Variants in RPAP2 observed in about 807,000 individuals in gnomAD.
The protein encoded by RPAP2 is putative RNA polymerase II subunit B1 CTD phosphatase RPAP2.
RPAP2 carries 52 observed loss-of-function variants against 73.1 expected under a neutral mutation model. The observed-to-expected ratio is 0.71, with a 90% CI of 0.57 to 0.90. The LOEUF (loss-of-function observed/expected upper bound fraction) is 0.90. Among genes scored for constraint, RPAP2 ranks in the 40% least tolerant of loss-of-function variants. The pLI, the probability that RPAP2 is intolerant of heterozygous loss-of-function variation, is 0.00. For synonymous variants in RPAP2, 225 were observed against 242.1 expected (o/e 0.93, Z 0.65); for missense variants, 598 against 701.8 (o/e 0.85, Z 1.67).
At chr1:92,322,596 C>T (rs933036192) in intron 7 of RPAP2, among the ~76,000 whole-genome samples, 3 of 151,388 alleles carry the variant, frequency 2.0e-5, no homozygotes, top group African/African-American at 2.4e-5. Context: ...AAAGCTCAGC[C>T]GGGCACGGTG....
At chr1:92,332,603 CTGTAA>C (rs998827597) in intron 8 of RPAP2, among the ~76,000 whole-genome samples, 1 of 152,070 alleles carries the variant, frequency 6.6e-6, no homozygotes, top group African/African-American at 2.4e-5. Flanking sequence ...TTCCATGTCA[CTGTAA>C]TGTAATCAGA....
chr1:92,382,101 A>G (rs1025476020), intron 12 of RPAP2, among the ~76,000 whole-genome samples: 2 of 151,928 alleles, frequency 1.3e-5, no homozygotes, highest in African/African-American at 4.8e-5. Flanking sequence ...ACATGAACTC[A>G]TCATTTTTTA....
At chr1:92,360,557 G>A (rs1184474370) in intron 11 of RPAP2, among the ~76,000 whole-genome samples, 2 of 152,164 alleles carry the variant, frequency 1.3e-5, no homozygotes, top group Non-Finnish European at 2.9e-5. Context: ...GACAGGCAAG[G>A]CTGGAAGAAC....
chr1:92,305,204 G>C (rs1336157953), intron 5 of RPAP2, among the ~76,000 whole-genome samples: 1 of 151,770 alleles, frequency 6.6e-6, no homozygotes, highest in Non-Finnish European at 1.5e-5. Flanking sequence ...AGGCCGAGGC[G>C]GGCAGATCAC....
intron 12 of RPAP2, among the ~76,000 whole-genome samples, chr1:92,386,395 G>A (rs1444768856): frequency 1.3e-5 from 2 of 152,142 alleles, no homozygotes; most frequent in African/African-American, 4.8e-5. Flanking sequence ...CCTGACTGAG[G>A]ACAGCCCTGA....
chr1:92,358,659 C>A (rs1049259435), intron 11 of RPAP2, among the ~76,000 whole-genome samples: 4 of 152,126 alleles, frequency 2.6e-5, no homozygotes, highest in African/African-American at 9.7e-5. Context: ...ACAGTCGCAG[C>A]TCACTAAAGC....
At chr1:92,342,763 G>A (rs1024826334) in intron 10 of RPAP2, among the ~76,000 whole-genome samples, 1 of 152,154 alleles carries the variant, frequency 6.6e-6, no homozygotes, top group African/African-American at 2.4e-5. Flanking sequence ...CATGGGATGT[G>A]AGAGAGTCAA....
rs751369687 is a variant in RPAP2 at position 92,336,381 on chromosome 1, T to C, written c.1573T>C (p.Leu525=). The C allele has an allele frequency of 6.0e-5, 97 of 1,610,894 alleles. No homozygotes were observed. The highest frequency in any genetic ancestry group is 7.4e-5 in the Non-Finnish European group (87 of 1,177,992). Reference sequence around the variant, plus strand: ...GCTTCTGGTTCCTCTTCAGATTACATTGGGAGATATTTACACACAACTTAA... The same window carrying C: ...GCTTCTGGTTCCTCTTCAGATTACACTGGGAGATATTTACACACAACTTAA... ...PGLLVPLQIT[L]GDIYTQLKNL... is the part of the protein sequence containing the mutation. The change falls in exon 10 of 13, where the codon TTG becomes CTG. Residue 525 remains leucine, a synonymous_variant. Coordinates refer to ENST00000610020, the MANE Select transcript of RPAP2 (RefSeq NM_024813.3).
At chr1:92,303,382 A>G (rs1019936080) in intron 3 of RPAP2, among the ~76,000 whole-genome samples, 4 of 152,200 alleles carry the variant, frequency 2.6e-5, no homozygotes, top group African/African-American at 9.6e-5. Flanking sequence ...AAAGATCTCA[A>G]AGTTATGAAC....
chr1:92,326,680 T>C (rs1652650126), intron 8 of RPAP2, among the ~76,000 whole-genome samples: 1 of 152,170 alleles, frequency 6.6e-6, no homozygotes, highest in Non-Finnish European at 1.5e-5. Context: ...AGTGGAGCTA[T>C]TCCAGGAAGA....
Position 92,299,063 on chromosome 1 carries a change from T to G in RPAP2, c.-11T>G. On this transcript the variant is annotated 5_prime_UTR_variant, in exon 1 of 13. Coordinates refer to ENST00000610020, the MANE Select transcript of RPAP2 (RefSeq NM_024813.3). The stretch of plus-strand genomic sequence containing the variant: ...CGGAGCGTGTCCCCGTCCGGCAGAC[T>G]ACTCTCCCCCATGGCGGACTTCGCT... 1 of 1,473,160 alleles carries G rather than the reference T, an allele frequency of 6.8e-7. No individual in the cohort carries two copies. The highest frequency in any genetic ancestry group is 2.7e-5 in the East Asian group (1 of 37,270). 91.3% of individuals were successfully genotyped at this position (1,473,160 alleles called of 1,614,324 possible).
chr1:92,338,084 C>A lies in RPAP2; in HGVS notation c.1619+1657C>A, dbSNP rs568963429. Among the ~76,000 whole-genome samples, 86 of 152,044 alleles carry A rather than the reference C, an allele frequency of 5.7e-4. 1 individual carries two copies. The highest frequency in any genetic ancestry group is 2.0e-3 in the African/African-American group (81 of 41,482). On this transcript the variant is annotated intron_variant, in intron 10 of 12. Transcript: ENST00000610020. The stretch of plus-strand genomic sequence containing the variant: ...CTTAAAATTAAGCTTTCACAGGCAT[C>A]ATTAATTATTGTGGTATTTTACACT...
chr1:92,332,961 G>C (rs775415815), intron 8 of RPAP2, among the ~76,000 whole-genome samples: 1 of 152,076 alleles, frequency 6.6e-6, no homozygotes, highest in Non-Finnish European at 1.5e-5. Flanking sequence ...CTCAGAGAGA[G>C]AGTCGGTTTG....
chr1:92,359,940 C>T (rs948680648), intron 11 of RPAP2, among the ~76,000 whole-genome samples: 2 of 152,182 alleles, frequency 1.3e-5, no homozygotes, highest in African/African-American at 2.4e-5. Flanking sequence ...TGAGCACCAA[C>T]TAAATGCAAA....
intron 11 of RPAP2, among the ~76,000 whole-genome samples, chr1:92,378,251 C>T (rs565805932): frequency 6.6e-6 from 1 of 152,304 alleles, no homozygotes; most frequent in African/African-American, 2.4e-5. Context: ...GTTGCCCAGG[C>T]TGGAGTGCAG....
intron 5 of RPAP2, among the ~76,000 whole-genome samples, chr1:92,305,449 A>AAAAAAAAAAAAAAAAAAAAAC (rs1442730252): frequency 6.7e-6 from 1 of 148,814 alleles, no homozygotes; most frequent in South Asian, 2.1e-4. Context: ...AAAAAAAAAA[A>AAAAAAAAAAAAAAAAAAAAAC]AAGACAATAT....
At position 92,393,747 on chromosome 1, in the gene RPAP2, T is replaced by A. The variant is rs1244783212; in HGVS notation, c.*6736T>A. 6.6e-6 allele frequency: 1 copy of A among 152,116 alleles called. No homozygotes were observed. Among genetic ancestry groups the A allele is most frequent in the Non-Finnish European group, 1.5e-5 (1 of 68,020 alleles). The allele number at this position is 152,116 out of a possible 1,614,324, so 9.4% of individuals were successfully genotyped here. On this transcript the variant is annotated 3_prime_UTR_variant, in exon 13 of 13. Transcript: ENST00000610020. ...AAAAATGCTCATCATCACTAGTCAT[T>A]AGAGAAATGAAAATCAAAACCACAG...
At chr1:92,333,709 G>C (rs1048433331) in intron 9 of RPAP2, among the ~76,000 whole-genome samples, 1 of 152,098 alleles carries the variant, frequency 6.6e-6, no homozygotes, top group African/African-American at 2.4e-5. Context: ...TGAGATTGTG[G>C]GTTTAGAAGA....
chr1:92,351,199 C>T (rs751079613), intron 11 of RPAP2, among the ~76,000 whole-genome samples: 29 of 149,198 alleles, frequency 1.9e-4, no homozygotes, highest in South Asian at 4.3e-4. Context: ...CCTAGCTACT[C>T]GGGAGGCTGA....
Sources: gnomAD v4.1 joint callset for allele counts (sites outside exome capture counted in the v4.1 genomes callset) on GRCh38, gnomAD v4.1.1 for gene constraint, MANE v1.5 for transcripts, NCBI Gene and HGNC (gene_info 2026-07-23, HGNC 2026-07-21) for gene names.